Variants in MYO9A observed in about 807,000 individuals in gnomAD.
The protein encoded by MYO9A is unconventional myosin-IXa.
In MYO9A, 103 loss-of-function variants were observed where a neutral mutation model predicts 293.3. The ratio of observed to expected loss-of-function variants is 0.35; its 90% CI spans 0.30 to 0.41. MYO9A has a LOEUF of 0.41. Ranked by LOEUF, MYO9A falls within the 10% of genes least tolerant of loss-of-function variation. The pLI, the probability that MYO9A is intolerant of heterozygous loss-of-function variation, is 1.00. For synonymous variants in MYO9A, 1,001 were observed against 1,035.7 expected, an observed-to-expected ratio of 0.97 and a Z score of 0.64; for missense variants, 2,685 against 3,033.0, an observed-to-expected ratio of 0.89 and a Z score of 2.69.
At chr15:71,918,504 A>G (rs1163483791) in intron 18 of MYO9A, among the ~76,000 whole-genome samples, 2 of 152,176 alleles carry the variant, frequency 1.3e-5, no homozygotes, top group African/African-American at 2.4e-5. Flanking sequence ...TCAAAAAAAA[A>G]GCCATGTAAA....
intron 4 of MYO9A, among the ~76,000 whole-genome samples, chr15:72,023,043 G>C (rs1317775640): frequency 6.6e-6 from 1 of 152,070 alleles, no homozygotes; most frequent in East Asian, 1.9e-4. Flanking sequence ...CACATTTAAT[G>C]AACTAAAGAA....
chr15:71,954,761 T>A (rs2059139754), intron 14 of MYO9A, among the ~76,000 whole-genome samples: 1 of 152,180 alleles, frequency 6.6e-6, no homozygotes, highest in South Asian at 2.1e-4. Context: ...TTTCAATAAT[T>A]TTTTTAGTGA....
chr15:71,893,498 A>G, intron 26 of MYO9A, 181 bp downstream of exon 26: 1 of 617,182 alleles, frequency 1.6e-6, no homozygotes, highest in Middle Eastern at 4.5e-4. Flanking sequence ...GTTTTTAGGC[A>G]CCATTCCCTG....
intron 1 of MYO9A, among the ~76,000 whole-genome samples, chr15:72,080,274 C>A (rs1211359221): frequency 1.4e-5 from 2 of 145,416 alleles, no homozygotes; most frequent in Non-Finnish European, 1.5e-5. Flanking sequence ...AATCAACTAA[C>A]AACGTACCAA....
chr15:71,887,529 G>A (rs577949036), intron 27 of MYO9A, among the ~76,000 whole-genome samples: 5 of 152,026 alleles, frequency 3.3e-5, no homozygotes, highest in African/African-American at 1.2e-4. Flanking sequence ...ACTTTACTCC[G>A]TTAGTTTCCC....
intron 1 of MYO9A, chr15:72,114,284 T>C (rs1311305742): frequency 6.6e-6 from 1 of 152,114 alleles, no homozygotes; most frequent in Non-Finnish European, 1.5e-5. Flanking sequence ...GTCAAGAGAA[T>C]GAACAGGAGG....
intron 26 of MYO9A, chr15:71,892,881 A>C (rs1351343606): frequency 1.2e-6 from 1 of 846,618 alleles, no homozygotes; most frequent in East Asian, 6.6e-5. Flanking sequence ...ACATGGGAAG[A>C]AGCTGTGAAG....
intron 1 of MYO9A, among the ~76,000 whole-genome samples, chr15:72,052,281 C>T (rs1447318084): frequency 1.3e-5 from 2 of 152,130 alleles, no homozygotes; most frequent in African/African-American, 2.4e-5. Flanking sequence ...CAGCTGAACA[C>T]TCATCAGGAC....
chr15:71,927,657 A>T (rs1596212923), intron 18 of MYO9A, among the ~76,000 whole-genome samples: 1 of 152,080 alleles, frequency 6.6e-6, no homozygotes, highest in African/African-American at 2.4e-5. Context: ...ACAGATGTAG[A>T]TCCCCCTGAT....
At position 71,859,646 on chromosome 15, in the gene MYO9A, A is replaced by G. The variant is rs1596047020; in HGVS notation, c.6153+89T>C. 11 of 1,067,840 alleles carry G rather than the reference A, an allele frequency of 1.0e-5. No individual in the cohort carries two copies. In the South Asian group the frequency reaches 1.1e-4, roughly 11 times the overall value. The allele number at this position is 1,067,840 out of a possible 1,614,324, so 66.1% of individuals were successfully genotyped here. A position where few individuals can be genotyped will look rare whatever the true frequency, so the allele number is the denominator to read the frequency against. ...AAAGTTTAAAAACCACTCATCTGTAAAACTATCAAAAAGGCCTTAATTTAT... is the reference window on the plus strand; with the variant it reads ...AAAGTTTAAAAACCACTCATCTGTAGAACTATCAAAAAGGCCTTAATTTAT... On this transcript the variant is annotated intron_variant, in intron 34 of 41. Transcript: ENST00000356056.
At chr15:71,887,024 G>A (rs1026086227) in intron 27 of MYO9A, among the ~76,000 whole-genome samples, 6 of 152,020 alleles carry the variant, frequency 3.9e-5, no homozygotes, top group Non-Finnish European at 8.8e-5. Context: ...ACAACATAAT[G>A]AGGGACAAAG....
intron 33 of MYO9A, 26 bp downstream of exon 33, chr15:71,862,474 A>G (rs2056177052): frequency 1.3e-6 from 2 of 1,510,760 alleles, no homozygotes; most frequent in Admixed American, 1.7e-5. Context: ...GGTTAAAAAT[A>G]TTCCTCAAAG....
chr15:71,831,746 A>C (rs1322506858), intron 39 of MYO9A, among the ~76,000 whole-genome samples: 3 of 152,226 alleles, frequency 2.0e-5, no homozygotes, highest in Admixed American at 6.5e-5. Context: ...AAATACTCTG[A>C]CAAATAATCA....
intron 31 of MYO9A, among the ~76,000 whole-genome samples, chr15:71,876,401 C>T (rs1314136433): frequency 7.1e-6 from 1 of 141,824 alleles, no homozygotes; most frequent in Non-Finnish European, 1.5e-5. Context: ...GGATTGCGGG[C>T]TTGAGCCACC....
chr15:71,919,613 A>G (rs1168909498), intron 18 of MYO9A, among the ~76,000 whole-genome samples: 7 of 151,130 alleles, frequency 4.6e-5, no homozygotes. Flanking sequence ...GGCCGAGGAG[A>G]GTGGATCACC....
chr15:71,904,463 G>A (rs2899773), intron 20 of MYO9A, among the ~76,000 whole-genome samples: 32,386 of 152,130 alleles, frequency 0.21, 3,725 homozygotes, highest in East Asian at 0.41. Flanking sequence ...GACCAGCCTG[G>A]CCAACATGGC....
intron 27 of MYO9A, among the ~76,000 whole-genome samples, chr15:71,887,061 A>C (rs769388620): frequency 6.6e-6 from 1 of 152,136 alleles, no homozygotes; most frequent in African/African-American, 2.4e-5. Context: ...TAAAAATTCC[A>C]TAAGCTCTCT....
chr15:71,864,788 G>T (rs1376971035), intron 32 of MYO9A, among the ~76,000 whole-genome samples: 1 of 152,130 alleles, frequency 6.6e-6, no homozygotes, highest in African/African-American at 2.4e-5. Flanking sequence ...TATAGAAACA[G>T]AAAGTAGAGT....
intron 34 of MYO9A, chr15:71,858,826 C>T (rs1383724557): frequency 2.7e-5 from 4 of 150,506 alleles, no homozygotes; most frequent in Non-Finnish European, 5.9e-5. Flanking sequence ...GCACGTTGTG[C>T]ACATGTACTC....
Sources: gnomAD v4.1 joint callset for allele counts (sites outside exome capture counted in the v4.1 genomes callset) on GRCh38, gnomAD v4.1.1 for gene constraint, MANE v1.5 for transcripts, NCBI Gene and HGNC (gene_info 2026-07-23, HGNC 2026-07-21) for gene names.